Variants in GPR155 observed in about 807,000 individuals in gnomAD.
GPR155 encodes G protein-coupled receptor 155, also known as lysosomal cholesterol signaling protein.
In GPR155, 65 loss-of-function variants were observed where a neutral mutation model predicts 93.1. That is an observed-to-expected ratio of 0.70 (90% CI 0.57 to 0.86). The LOEUF (loss-of-function observed/expected upper bound fraction) is 0.86. Ranked by LOEUF, GPR155 falls within the 40% of genes least tolerant of loss-of-function variation. The pLI, the probability that GPR155 is intolerant of heterozygous loss-of-function variation, is 0.00. For missense variants in GPR155, 838 were observed against 1,034.8 expected (o/e 0.81, Z 2.61); for synonymous variants, 319 against 360.1 (o/e 0.89, Z 1.29).
chr2:174,444,992 C>T (rs774002398), intron 13 of GPR155, 89 bp downstream of exon 13: 82 of 692,316 alleles, frequency 1.2e-4, no homozygotes, highest in Non-Finnish European at 1.7e-4. Flanking sequence ...AAAACAACAT[C>T]CTAATCCACT....
chr2:174,456,115 T>C (rs1687509475), intron 10 of GPR155, among the ~76,000 whole-genome samples: 2 of 152,140 alleles, frequency 1.3e-5, no homozygotes, highest in African/African-American at 2.4e-5. Flanking sequence ...GTTCTGGGAT[T>C]ACAGGTGTGA....
At chr2:174,451,052 G>A (rs999095623) in intron 11 of GPR155, among the ~76,000 whole-genome samples, 3 of 152,140 alleles carry the variant, frequency 2.0e-5, no homozygotes, top group Non-Finnish European at 4.4e-5. Context: ...GCTGACGCCT[G>A]TAATCCCAGA....
intron 10 of GPR155, among the ~76,000 whole-genome samples, chr2:174,455,873 C>T (rs957892867): frequency 2.0e-5 from 3 of 152,134 alleles, no homozygotes; most frequent in Admixed American, 1.3e-4. Context: ...TGAAGTTTCG[C>T]TCTGTCACCC....
intron 12 of GPR155, among the ~76,000 whole-genome samples, chr2:174,446,334 GAAAT>G (rs1687130371): frequency 8.6e-6 from 1 of 116,362 alleles, no homozygotes; most frequent in East Asian, 2.8e-4. Context: ...AAAATAAAAA[GAAAT>G]AGCTGCTTTT....
chr2:174,481,926 T>C lies in GPR155; in HGVS notation c.31A>G (p.Thr11Ala), dbSNP rs754387358. 1.9e-6 allele frequency: 3 copies of C among 1,612,968 alleles called. No individual in the cohort carries two copies. The change falls in exon 2 of 16, where the codon ACC becomes GCC. Residue 11 changes from threonine to alanine, a missense_variant. Coordinates refer to ENST00000392552, the MANE Select transcript of GPR155 (RefSeq NM_152529.7). MNSNLPAENL[T>A]IAVNMTKTLP... is the part of the protein sequence containing the mutation. ...GTCTTGGTCATATTGACTGCAATGG[T>C]TAAGTTCTCTGCAGGTAAATTAGAA...
chr2:174,443,094 G>A (rs1441206352), intron 13 of GPR155, among the ~76,000 whole-genome samples: 2 of 152,130 alleles, frequency 1.3e-5, no homozygotes, highest in Admixed American at 1.3e-4. Context: ...GTCAGACTAT[G>A]ATTTTTCAAC....
At chr2:174,486,298 G>A (rs998392683) in intron 1 of GPR155, among the ~76,000 whole-genome samples, 1 of 152,164 alleles carries the variant, frequency 6.6e-6, no homozygotes, top group Admixed American at 6.5e-5. Context: ...GGCGCAGAGA[G>A]TTCCTAACCG....
intron 2 of GPR155, among the ~76,000 whole-genome samples, chr2:174,481,109 T>C (rs1165664696): frequency 1.3e-5 from 2 of 152,242 alleles, no homozygotes; most frequent in African/African-American, 4.8e-5. Context: ...TAATACATAT[T>C]CTAGATGGTA....
rs11690262 is a variant in GPR155 at position 174,435,245 on chromosome 2, C to T, written c.*871G>A. Reference sequence around the variant, plus strand: ...TTCCACATCCATAGATTCAATCAACCGCAGATAAAAAGATGTAGTCAGGCT... The same window carrying T: ...TTCCACATCCATAGATTCAATCAACTGCAGATAAAAAGATGTAGTCAGGCT... On this transcript the variant is annotated 3_prime_UTR_variant, in exon 16 of 16. Transcript: ENST00000392552. 138,612 of 152,170 alleles carry T rather than the reference C, an allele frequency of 0.91. 64,483 individuals are homozygous for T. The highest frequency in any genetic ancestry group is 1 in the East Asian group (5,182 of 5,182). 9.4% of individuals were successfully genotyped at this position (152,170 alleles called of 1,614,324 possible).
intron 3 of GPR155, among the ~76,000 whole-genome samples, chr2:174,472,557 C>G (rs1305349235): frequency 6.6e-6 from 1 of 152,130 alleles, no homozygotes; most frequent in African/African-American, 2.4e-5. Flanking sequence ...ATACTTTTCC[C>G]AAATTCATGA....
At chr2:174,444,428 A>T (rs1687055351) in intron 13 of GPR155, among the ~76,000 whole-genome samples, 1 of 151,940 alleles carries the variant, frequency 6.6e-6, no homozygotes, top group African/African-American at 2.4e-5. Flanking sequence ...AAAAAAAAAA[A>T]AAATTTAAGG....
At chr2:174,437,549 G>GTTGA (rs1032894462) in intron 15 of GPR155, among the ~76,000 whole-genome samples, 7 of 131,658 alleles carry the variant, frequency 5.3e-5, no homozygotes, top group African/African-American at 1.7e-4. Flanking sequence ...CTTTTTGCTT[G>GTTGA]TTGATTTTTT....
Position 174,447,453 on chromosome 2 carries a change from A to G in GPR155, c.1877-706T>C, listed in dbSNP as rs1220721171. The stretch of plus-strand genomic sequence containing the variant: ...ATATACACATTACATATATAATTAT[A>G]TAACAATTATATATTATGTTATAAA... On this transcript the variant is annotated intron_variant, in intron 11 of 15. Transcript: ENST00000392552. Among the ~76,000 whole-genome samples, 5 of 146,396 alleles carry G rather than the reference A, an allele frequency of 3.4e-5. No homozygotes were observed. The South Asian group carries it at 8.4e-4, about 25-fold the overall frequency.
intron 10 of GPR155, among the ~76,000 whole-genome samples, chr2:174,456,100 C>A (rs1663585249): frequency 6.6e-6 from 1 of 151,986 alleles, no homozygotes; most frequent in South Asian, 2.1e-4. Context: ...CCTTGGCTTC[C>A]CAAAGTTCTG....
rs375197307 is a variant in GPR155, at chr2:174,473,122, G to A, written c.703C>T (p.Arg235Ter). Residue 235 changes from arginine (R) to a stop codon, truncating the protein, a stop_gained, in exon 3 of 16, where the codon CGA (arginine) becomes TGA (stop). Coordinates refer to ENST00000392552, the MANE Select transcript of GPR155 (RefSeq NM_152529.7). LOFTEE classifies it high-confidence loss of function. ...IGIAFNFILD[R>*]KVPVYVENFL... Reference sequence around the variant, plus strand: ...TTTTCGACATATACAGGTACCTTTCGATCAAGAATAAAATTGAAGGCGATG... The same window carrying A: ...TTTTCGACATATACAGGTACCTTTCAATCAAGAATAAAATTGAAGGCGATG... 104 of 1,610,122 alleles carry A rather than the reference G, an allele frequency of 6.5e-5. No homozygotes were observed. The highest frequency in any genetic ancestry group is 8.3e-5 in the Non-Finnish European group (98 of 1,179,140).
intron 10 of GPR155, among the ~76,000 whole-genome samples, chr2:174,457,619 G>C (rs1489348460): frequency 1.3e-5 from 2 of 152,088 alleles, no homozygotes; most frequent in African/African-American, 4.8e-5. Flanking sequence ...ACCACACCTA[G>C]CTAATTTTTG....
chr2:174,447,326 TAAAA>T (rs889187651), intron 11 of GPR155, among the ~76,000 whole-genome samples: 9 of 146,920 alleles, frequency 6.1e-5, no homozygotes, highest in Non-Finnish European at 9.0e-5. Flanking sequence ...CAAAAAAAAT[TAAAA>T]AAAATAATAA....
chr2:174,481,846 C>T lies in GPR155; in HGVS notation c.111G>A (p.Met37Ile), dbSNP rs1483399564. 8.1e-6 allele frequency: 13 copies of T among 1,614,002 alleles called. No homozygotes were observed. Among genetic ancestry groups the T allele is most frequent in the Non-Finnish European group, 1.1e-5 (13 of 1,180,002 alleles). The change falls in exon 2 of 16, where the codon ATG (methionine) becomes ATA (isoleucine). Residue 37 changes from methionine (M) to isoleucine (I), a missense_variant. Met to Ile is a conservative substitution (Grantham distance 10). This residue lies in a region of GPR155 where 663 missense variants were observed against 790.1 expected (regional missense o/e 0.84). Coordinates refer to ENST00000392552, the MANE Select transcript of GPR155 (RefSeq NM_152529.7). ...AGGCTGGAAAAAGCCTTGTAATTGA[C>T]ATTGAAGGTGGGTCATTAGTGGAAT... ...GFNSTNDPPS[M>I]SITRLFPALL...
In GPR155 at chr2:174,432,723, T is replaced by C. The variant is rs1412037289; in HGVS notation, c.*3393A>G. On this transcript the variant is annotated 3_prime_UTR_variant, in exon 16 of 16. Transcript: ENST00000392552. ...AGGTTAATAGTACACTAAAGTATAA[T>C]TTATTTGTTATTAATAAATATACTA... 1 of 151,578 alleles carries C rather than the reference T, an allele frequency of 6.6e-6. No individual in the cohort carries two copies. Among genetic ancestry groups the C allele is most frequent in the Non-Finnish European group, 1.5e-5 (1 of 67,958 alleles). 9.4% of individuals were successfully genotyped at this position (151,578 alleles called of 1,614,324 possible). A position where few individuals can be genotyped will look rare whatever the true frequency, so the allele number is the denominator to read the frequency against.
Sources: gnomAD v4.1 joint callset for allele counts (sites outside exome capture counted in the v4.1 genomes callset) on GRCh38, gnomAD v4.1.1 for gene constraint, gnomAD v4.1.1 regional missense constraint, MANE v1.5 for transcripts, NCBI Gene and HGNC (gene_info 2026-07-23, HGNC 2026-07-21) for gene names.